The following KLHL1 variants were observed in gnomAD, a reference collection of about 807,000 sequenced individuals.
KLHL1 encodes the protein kelch like family member 1, also known as kelch-like protein 1.
A neutral mutation model predicts 77.7 loss-of-function variants in KLHL1; 47 were observed. That is an observed-to-expected ratio of 0.60 (90% confidence interval 0.48 to 0.77). KLHL1 has a LOEUF of 0.77. KLHL1 is among the 30% of genes least tolerant of loss of function. The pLI is 0.00. For missense variants in KLHL1, 925 were observed against 910.8 expected (o/e 1.02, Z -0.20); for synonymous variants, 360 against 325.2 (o/e 1.11, Z -1.15).
intron 1 of KLHL1, among the ~76,000 whole-genome samples, chr13:69,993,312 A>C (rs1489144632): frequency 6.6e-6 from 1 of 152,018 alleles, no homozygotes; most frequent in Non-Finnish European, 1.5e-5. Flanking sequence ...TTCACTTAGC[A>C]ATCTTCACCT....
At chr13:70,085,129 A>T (rs1293806442) in intron 1 of KLHL1, among the ~76,000 whole-genome samples, 1 of 152,156 alleles carries the variant, frequency 6.6e-6, no homozygotes, top group Non-Finnish European at 1.5e-5. Flanking sequence ...ATGTATGTGC[A>T]TGTATGTATG....
At chr13:70,068,339 T>TCAAAAACAAAAA (rs72187113) in intron 1 of KLHL1, among the ~76,000 whole-genome samples, 5 of 148,804 alleles carry the variant, frequency 3.4e-5, no homozygotes, top group Admixed American at 2.7e-4. Context: ...AGACTCCGTC[T>TCAAAAACAAAAA]CAAAAACAAA....
intron 5 of KLHL1, among the ~76,000 whole-genome samples, chr13:69,848,838 T>C (rs911382601): frequency 3.3e-5 from 5 of 151,510 alleles, no homozygotes; most frequent in African/African-American, 1.2e-4. Context: ...AGAAGAATAA[T>C]GACATAATCA....
Position 69,837,670 on chromosome 13 carries a change from G to GTATA in KLHL1, c.1414+1302_1414+1305dup, listed in dbSNP as rs140655235. On this transcript the variant is annotated intron_variant, in intron 6 of 10. Coordinates refer to ENST00000377844, the MANE Select transcript of KLHL1 (RefSeq NM_020866.3). ...TGTATATATATATGTGTGTGTGTGTGTATATATATATATATATACACATAT... is the reference window on the plus strand; with the variant it reads ...TGTATATATATATGTGTGTGTGTGTGTATATATATATATATATATATACACATAT... 1.3e-3 allele frequency among the ~76,000 whole-genome samples: 158 copies of GTATA among 123,952 alleles called. 4 individuals are homozygous for GTATA. Among genetic ancestry groups the GTATA allele is most frequent in the Non-Finnish European group, 1.7e-3 (104 of 60,972 alleles). 81.3% of individuals were successfully genotyped at this position (123,952 alleles called of 152,430 possible). A position where few individuals can be genotyped will look rare whatever the true frequency, so the allele number is the denominator to read the frequency against.
At chr13:69,837,968 A>G (rs2138106885) in intron 6 of KLHL1, among the ~76,000 whole-genome samples, 1 of 151,566 alleles carries the variant, frequency 6.6e-6, no homozygotes, top group Non-Finnish European at 1.5e-5. Context: ...AATAAATCTT[A>G]TTTCTTTAGG....
At chr13:70,009,551 C>T (rs918933972) in intron 1 of KLHL1, among the ~76,000 whole-genome samples, 2 of 152,064 alleles carry the variant, frequency 1.3e-5, no homozygotes, top group African/African-American at 4.8e-5. Flanking sequence ...TACTACCTTC[C>T]AGCGATGCGA....
chr13:70,051,567 T>G (rs181834172), intron 1 of KLHL1, among the ~76,000 whole-genome samples: 190 of 152,196 alleles, frequency 1.2e-3, no homozygotes, highest in African/African-American at 4.2e-3. Flanking sequence ...TGAATGAAAT[T>G]TAATTCAATA....
chr13:70,003,213 T>C (rs141202244), intron 1 of KLHL1, among the ~76,000 whole-genome samples: 16 of 151,864 alleles, frequency 1.1e-4, no homozygotes, highest in Middle Eastern at 3.4e-3. Flanking sequence ...ATTTTAAAGA[T>C]TGATAATCAA....
At chr13:69,979,243 T>C (rs1487331893) in intron 1 of KLHL1, among the ~76,000 whole-genome samples, 4 of 152,008 alleles carry the variant, frequency 2.6e-5, no homozygotes, top group Non-Finnish European at 5.9e-5. Flanking sequence ...AGTTTCTTCA[T>C]ATTGTATCTG....
intron 6 of KLHL1, among the ~76,000 whole-genome samples, chr13:69,811,098 G>A (rs1877860905): frequency 6.6e-6 from 1 of 151,826 alleles, no homozygotes; most frequent in Admixed American, 6.6e-5. Context: ...CAAGGAGGGG[G>A]GCCTCCTCCC....
At chr13:69,961,181 A>G (rs1884052084) in intron 3 of KLHL1, 127 bp downstream of exon 3, 1 of 757,816 alleles carries the variant, frequency 1.3e-6, no homozygotes, top group Admixed American at 2.9e-5. Context: ...TTTTTGATCT[A>G]CTAGTTTTCA....
At chr13:70,017,186 A>G (rs2137346891) in intron 1 of KLHL1, among the ~76,000 whole-genome samples, 1 of 152,308 alleles carries the variant, frequency 6.6e-6, no homozygotes, top group East Asian at 1.9e-4. Flanking sequence ...AAGAGCTGTT[A>G]CACAAACAGA....
chr13:69,907,034 A>G (rs917748494), intron 4 of KLHL1, among the ~76,000 whole-genome samples: 1 of 151,948 alleles, frequency 6.6e-6, no homozygotes, highest in Non-Finnish European at 1.5e-5. Flanking sequence ...CTTTCCTTTA[A>G]ATCTTAGAAG....
intron 4 of KLHL1, among the ~76,000 whole-genome samples, chr13:69,910,204 T>G (rs1882192015): frequency 6.6e-6 from 1 of 151,958 alleles, no homozygotes; most frequent in Admixed American, 6.6e-5. Flanking sequence ...AAAAATACAT[T>G]CAAAGATCCA....
chr13:69,760,797 G>C (rs1031412880), intron 7 of KLHL1, among the ~76,000 whole-genome samples: 7 of 152,048 alleles, frequency 4.6e-5, no homozygotes, highest in African/African-American at 1.7e-4. Context: ...TGAGCCTAAG[G>C]GGGGAGTCCT....
At chr13:69,816,427 AT>A (rs111470171) in intron 6 of KLHL1, among the ~76,000 whole-genome samples, 173 of 147,160 alleles carry the variant, frequency 1.2e-3, no homozygotes, top group African/African-American at 3.3e-3. Context: ...CGCCTGGCTA[AT>A]TTTTTTTTTT....
At chr13:69,853,956 C>A (rs554591177) in intron 5 of KLHL1, among the ~76,000 whole-genome samples, 6 of 151,994 alleles carry the variant, frequency 3.9e-5, no homozygotes, top group African/African-American at 1.4e-4. Flanking sequence ...CACTTCAATG[C>A]TGTCTTCTCA....
intron 5 of KLHL1, among the ~76,000 whole-genome samples, chr13:69,873,952 AT>A: frequency 6.6e-6 from 1 of 152,142 alleles, no homozygotes; most frequent in Non-Finnish European, 1.5e-5. Context: ...GTAGGTGAAA[AT>A]TCTAAGAACA....
chr13:69,886,255 T>G (rs1881213194), intron 4 of KLHL1, among the ~76,000 whole-genome samples: 1 of 152,142 alleles, frequency 6.6e-6, no homozygotes, highest in South Asian at 2.1e-4. Context: ...TAAGACAGGA[T>G]AGCTACAAAA....
Sources: allele counts gnomAD v4.1 joint callset (sites outside exome capture counted in the v4.1 genomes callset), GRCh38; gene constraint gnomAD v4.1.1; transcripts MANE v1.5; gene names NCBI Gene and HGNC (gene_info 2026-07-23, HGNC 2026-07-21).